Variants in ARHGAP17 observed in about 807,000 individuals in gnomAD.
The protein encoded by ARHGAP17 is rho GTPase-activating protein 17.
A neutral mutation model predicts 99.5 loss-of-function variants in ARHGAP17; 57 were observed. The observed-to-expected ratio is 0.57, with a 90% CI of 0.46 to 0.71. The LOEUF is 0.71. ARHGAP17 is among the 30% of genes least tolerant of loss of function. The pLI is 0.00. For missense variants in ARHGAP17, 1,000 were observed against 1,122.4 expected, an observed-to-expected ratio of 0.89 and a Z score of 1.56; for synonymous variants, 417 against 429.6, an observed-to-expected ratio of 0.97 and a Z score of 0.36.
At chr16:24,972,749 G>A (rs966576764) in intron 3 of ARHGAP17, 3 of 152,168 alleles carry the variant, frequency 2.0e-5, no homozygotes, top group African/African-American at 7.2e-5. Context: ...ACTCAAGATG[G>A]CAGCTGTAAA....
chr16:24,925,911 C>A (rs1186808039), intron 19 of ARHGAP17, among the ~76,000 whole-genome samples: 1 of 151,900 alleles, frequency 6.6e-6, no homozygotes, highest in East Asian at 1.9e-4. Context: ...CAGATCGAGA[C>A]CATCTTGGCT....
chr16:24,940,462 G>A (rs1284586109), intron 16 of ARHGAP17, among the ~76,000 whole-genome samples: 1 of 152,214 alleles, frequency 6.6e-6, no homozygotes, highest in Admixed American at 6.5e-5. Flanking sequence ...GGAGGACAAG[G>A]TGGGAGGATC....
intron 14 of ARHGAP17, among the ~76,000 whole-genome samples, chr16:24,945,381 T>C (rs1378003428): frequency 1.3e-5 from 2 of 151,714 alleles, no homozygotes; most frequent in African/African-American, 4.8e-5. Context: ...AGAGTTATTA[T>C]CACTGCTATC....
chr16:24,942,435 A>C (rs953616114), intron 15 of ARHGAP17, among the ~76,000 whole-genome samples: 5 of 152,216 alleles, frequency 3.3e-5, no homozygotes, highest in African/African-American at 1.2e-4. Context: ...AATGTAGAAG[A>C]GGACGATGAG....
At chr16:24,983,035 C>G (rs538131800) in intron 1 of ARHGAP17, among the ~76,000 whole-genome samples, 3 of 102,900 alleles carry the variant, frequency 2.9e-5, no homozygotes, top group Non-Finnish European at 5.2e-5. Context: ...GACAGGGTCT[C>G]GTTCTGTCAC....
At chr16:25,003,397 G>T (rs2053424125) in intron 1 of ARHGAP17, among the ~76,000 whole-genome samples, 1 of 151,858 alleles carries the variant, frequency 6.6e-6, no homozygotes, top group Non-Finnish European at 1.5e-5. Context: ...ACAATGCCTG[G>T]CTAATTTTGG....
intron 1 of ARHGAP17, among the ~76,000 whole-genome samples, chr16:24,985,040 T>G (rs1186642486): frequency 6.6e-6 from 1 of 152,128 alleles, no homozygotes; most frequent in East Asian, 1.9e-4. Context: ...TTTTCTAAAT[T>G]TAAACTAGTG....
intron 1 of ARHGAP17, among the ~76,000 whole-genome samples, chr16:25,011,433 A>G (rs2053639360): frequency 6.6e-6 from 1 of 152,178 alleles, no homozygotes; most frequent in South Asian, 2.1e-4. Context: ...GGCCAGGCGC[A>G]GTGGCTCATG....
chr16:24,967,274 C>T (rs1200191875), intron 6 of ARHGAP17, among the ~76,000 whole-genome samples: 1 of 152,244 alleles, frequency 6.6e-6, no homozygotes, highest in African/African-American at 2.4e-5. Flanking sequence ...TATTGGAACA[C>T]AGCCATGCTC....
intron 19 of ARHGAP17, among the ~76,000 whole-genome samples, chr16:24,928,411 C>T (rs8064073): frequency 0.081 from 12,340 of 152,184 alleles, 1,604 homozygotes; most frequent in African/African-American, 0.28. Flanking sequence ...CTAATAATTA[C>T]AGGCAGTATA....
intron 15 of ARHGAP17, among the ~76,000 whole-genome samples, chr16:24,942,361 A>AG (rs540102233): frequency 5.5e-4 from 84 of 152,354 alleles, no homozygotes; most frequent in African/African-American, 1.9e-3. Context: ...ATGGGTCAGA[A>AG]TATAAGTTAC....
chr16:24,931,436 AG>A (rs1197329370), intron 18 of ARHGAP17, 32 bp from the exon 19 acceptor site: 1 of 1,492,890 alleles, frequency 6.7e-7, no homozygotes, highest in African/African-American at 1.4e-5. Flanking sequence ...ACCTTTCAGT[AG>A]GAACAGTGAG....
intron 18 of ARHGAP17, among the ~76,000 whole-genome samples, chr16:24,933,504 A>C (rs1313436634): frequency 3.3e-5 from 5 of 151,936 alleles, no homozygotes; most frequent in African/African-American, 9.7e-5. Context: ...GAAAGGAAAA[A>C]AAAAAAGAAA....
intron 12 of ARHGAP17, among the ~76,000 whole-genome samples, chr16:24,951,269 A>T (rs981829478): frequency 2.6e-5 from 4 of 152,208 alleles, no homozygotes; most frequent in African/African-American, 9.6e-5. Flanking sequence ...TCTGCCAATT[A>T]CTTGCTACTC....
intron 1 of ARHGAP17, among the ~76,000 whole-genome samples, chr16:25,010,290 T>G (rs539151157): frequency 6.6e-6 from 1 of 152,128 alleles, no homozygotes; most frequent in Non-Finnish European, 1.5e-5. Context: ...CTCAGGCTGG[T>G]CTGAAATTCC....
chr16:24,989,262 T>G (rs1247868152), intron 1 of ARHGAP17, among the ~76,000 whole-genome samples: 1 of 152,120 alleles, frequency 6.6e-6, no homozygotes, highest in African/African-American at 2.4e-5. Context: ...CCAAACTAGG[T>G]CAGCACATTT....
intron 1 of ARHGAP17, among the ~76,000 whole-genome samples, chr16:24,985,611 A>C (rs976195003): frequency 1.3e-5 from 2 of 152,116 alleles, no homozygotes; most frequent in African/African-American, 4.8e-5. Context: ...GTCCAGGCTA[A>C]TCTCCCTTTC....
At chr16:24,943,363 A>G (rs908310227) in intron 15 of ARHGAP17, among the ~76,000 whole-genome samples, 3 of 152,182 alleles carry the variant, frequency 2.0e-5, no homozygotes, top group Non-Finnish European at 4.4e-5. Flanking sequence ...TCTAAAAACC[A>G]ATCCCTGGTT....
At chr16:24,996,490 C>G (rs548426859) in intron 1 of ARHGAP17, among the ~76,000 whole-genome samples, 61 of 152,256 alleles carry the variant, frequency 4.0e-4, no homozygotes, top group African/African-American at 1.3e-3. Context: ...GTAATGAGAA[C>G]ATCTTATGCA....
Sources: allele counts gnomAD v4.1 joint callset (sites outside exome capture counted in the v4.1 genomes callset), GRCh38; gene constraint gnomAD v4.1.1; transcripts MANE v1.5; gene names NCBI Gene and HGNC (gene_info 2026-07-23, HGNC 2026-07-21).